Variants in RAB38 observed in about 807,000 individuals in gnomAD.
RAB38 encodes the protein RAB38, member RAS oncogene family, also known as ras-related protein Rab-38.
In RAB38, 15 loss-of-function variants were observed where a neutral mutation model predicts 18.4. The ratio of observed to expected loss-of-function variants is 0.82; its 90% CI spans 0.55 to 1.26. The LOEUF (loss-of-function observed/expected upper bound fraction) is 1.26. RAB38 is among the 50% of genes most tolerant of loss of function. The pLI is 0.00. For missense variants in RAB38, 294 were observed against 267.4 expected, an observed-to-expected ratio of 1.10 and a Z score of -0.69; for synonymous variants, 101 against 104.4, an observed-to-expected ratio of 0.97 and a Z score of 0.20.
At chr11:87,845,891 A>G in the RAB38 span, among the ~76,000 whole-genome samples, 1 of 152,130 alleles carries the variant, frequency 6.6e-6, no homozygotes, top group South Asian at 2.1e-4. Flanking sequence ...ACCGAAAGTC[A>G]AAAAATTCTT....
chr11:87,819,115 C>T, the RAB38 span, among the ~76,000 whole-genome samples: 3 of 152,212 alleles, frequency 2.0e-5, no homozygotes, highest in Non-Finnish European at 4.4e-5. Flanking sequence ...GTTCTATTTA[C>T]AGCAGCCCCT....
At chr11:87,832,615 C>A in the RAB38 span, among the ~76,000 whole-genome samples, 1 of 152,260 alleles carries the variant, frequency 6.6e-6, no homozygotes, top group Middle Eastern at 3.4e-3. Flanking sequence ...GCACCCAGGC[C>A]CCTATATCTC....
At chr11:87,947,516 T>C in the RAB38 span, among the ~76,000 whole-genome samples, 10 of 152,164 alleles carry the variant, frequency 6.6e-5, no homozygotes, top group Admixed American at 6.6e-4. Flanking sequence ...GTTTTTATGG[T>C]TTCAGGTCTA....
the RAB38 span, among the ~76,000 whole-genome samples, chr11:87,927,330 C>T: frequency 2.0e-5 from 3 of 152,002 alleles, no homozygotes; most frequent in African/African-American, 7.2e-5. Flanking sequence ...AATTTAGAAT[C>T]ATTTTTGTTT....
the RAB38 span, among the ~76,000 whole-genome samples, chr11:88,009,338 A>G: frequency 1.3e-5 from 2 of 152,242 alleles, no homozygotes; most frequent in Non-Finnish European, 2.9e-5. Context: ...CTCTTTCTCA[A>G]TATGTTATTA....
At chr11:87,838,121 T>TTTA in the RAB38 span, among the ~76,000 whole-genome samples, 6,893 of 142,134 alleles carry the variant, frequency 0.048, 288 homozygotes, top group Admixed American at 0.14. Context: ...TTATTTTTAT[T>TTTA]TTTTTTTTTT....
At chr11:87,967,286 G>T in the RAB38 span, among the ~76,000 whole-genome samples, 1 of 152,046 alleles carries the variant, frequency 6.6e-6, no homozygotes, top group Admixed American at 6.6e-5. Context: ...CCCATGAATT[G>T]ACTATGCTGA....
the RAB38 span, among the ~76,000 whole-genome samples, chr11:87,947,208 C>T: frequency 1.3e-5 from 2 of 149,296 alleles, no homozygotes; most frequent in African/African-American, 5.0e-5. Context: ...AGTGTCTGTT[C>T]ATATCCTTCA....
At chr11:88,085,698 T>A in the RAB38 span, among the ~76,000 whole-genome samples, 2 of 152,060 alleles carry the variant, frequency 1.3e-5, no homozygotes, top group African/African-American at 4.8e-5. Flanking sequence ...CCAAGTTTTA[T>A]TGGAACACAG....
the RAB38 span, among the ~76,000 whole-genome samples, chr11:88,018,305 C>T: frequency 6.6e-6 from 1 of 152,102 alleles, no homozygotes; most frequent in Non-Finnish European, 1.5e-5. Flanking sequence ...GCACGTGCTT[C>T]TCATTTAAGG....
At chr11:88,006,064 TA>T in the RAB38 span, among the ~76,000 whole-genome samples, 2 of 151,018 alleles carry the variant, frequency 1.3e-5, no homozygotes, top group African/African-American at 2.4e-5. Context: ...CTAAAATATA[TA>T]AAAAACTCAA....
At chr11:87,828,096 A>G in the RAB38 span, among the ~76,000 whole-genome samples, 1 of 152,096 alleles carries the variant, frequency 6.6e-6, no homozygotes, top group African/African-American at 2.4e-5. Flanking sequence ...GTATATGGAA[A>G]CTCTGTGCTC....
At chr11:87,881,610 A>G in the RAB38 span, among the ~76,000 whole-genome samples, 1 of 151,892 alleles carries the variant, frequency 6.6e-6, no homozygotes, top group Non-Finnish European at 1.5e-5. Context: ...GAGTAAGCAT[A>G]GGACTGTAAT....
intron 2 of RAB38, among the ~76,000 whole-genome samples, chr11:88,125,712 T>A (rs1452537019): frequency 6.6e-6 from 1 of 152,244 alleles, no homozygotes; most frequent in Non-Finnish European, 1.5e-5. Context: ...AGAAGCTCTT[T>A]AGTTTAATTA....
chr11:87,950,087 A>G, the RAB38 span, among the ~76,000 whole-genome samples: 1 of 152,162 alleles, frequency 6.6e-6, no homozygotes, highest in African/African-American at 2.4e-5. Context: ...TATTGGGTGC[A>G]TATATATTTA....
chr11:87,969,803 T>C, the RAB38 span, among the ~76,000 whole-genome samples: 1 of 152,162 alleles, frequency 6.6e-6, no homozygotes, highest in African/African-American at 2.4e-5. Flanking sequence ...TAACAGCTTT[T>C]AGAATTGGCA....
At chr11:88,122,609 C>T (rs1398244907) in intron 2 of RAB38, among the ~76,000 whole-genome samples, 2 of 152,192 alleles carry the variant, frequency 1.3e-5, no homozygotes, top group African/African-American at 2.4e-5. Flanking sequence ...TCATTTAACC[C>T]TTACTACACC....
At chr11:87,974,100 G>C in the RAB38 span, among the ~76,000 whole-genome samples, 1 of 151,890 alleles carries the variant, frequency 6.6e-6, no homozygotes, top group Non-Finnish European at 1.5e-5. Context: ...TTGTGAGATA[G>C]TCAAAGAAGG....
the RAB38 span, among the ~76,000 whole-genome samples, chr11:88,107,470 TTA>T: frequency 6.6e-6 from 1 of 151,472 alleles, no homozygotes; most frequent in Admixed American, 6.6e-5. Flanking sequence ...TGATTACTTG[TTA>T]TGTTTTAGCA....
Sources: allele counts gnomAD v4.1 joint callset (sites outside exome capture counted in the v4.1 genomes callset), GRCh38; gene constraint gnomAD v4.1.1; transcripts MANE v1.5; gene names NCBI Gene and HGNC (gene_info 2026-07-23, HGNC 2026-07-21).